The following CC2D2B variants were observed in gnomAD, a reference collection of about 807,000 sequenced individuals.
CC2D2B encodes protein CC2D2B.
In CC2D2B, 128 loss-of-function variants were observed where a neutral mutation model predicts 161.2. The ratio of observed to expected loss-of-function variants is 0.79; its 90% CI spans 0.69 to 0.92. The LOEUF is 0.92. Among genes scored for constraint, CC2D2B ranks in the 40% least tolerant of loss-of-function variants. The pLI, the probability that CC2D2B is intolerant of heterozygous loss-of-function variation, is 0.00. For missense variants in CC2D2B, 1,173 were observed against 1,375.1 expected (o/e 0.85, Z 2.32); for synonymous variants, 391 against 449.8 (o/e 0.87, Z 1.65).
At chr10:95,983,189 C>A (rs2077595218) in intron 18 of CC2D2B, among the ~76,000 whole-genome samples, 1 of 152,218 alleles carries the variant, frequency 6.6e-6, no homozygotes, top group Non-Finnish European at 1.5e-5. Context: ...CTCACATTTG[C>A]ATTTGTTGAA....
intron 17 of CC2D2B, among the ~76,000 whole-genome samples, chr10:95,976,787 T>C (rs1279903490): frequency 6.6e-6 from 1 of 152,220 alleles, no homozygotes; most frequent in Non-Finnish European, 1.5e-5. Context: ...TCGCTCTTGT[T>C]GCCCAGGCTG....
intron 4 of CC2D2B, 122 bp from the exon 5 acceptor site, chr10:95,924,657 C>T (rs1175056455): frequency 1.6e-5 from 11 of 674,982 alleles, no homozygotes; most frequent in Non-Finnish European, 2.3e-5. Context: ...ATTTCATGTA[C>T]ACATACCACA....
At chr10:96,025,192 AATATATATAT>A (rs10524712) in intron 33 of CC2D2B, among the ~76,000 whole-genome samples, 2 of 49,204 alleles carry the variant, frequency 4.1e-5, no homozygotes, top group African/African-American at 1.7e-4. Context: ...TATAAAAAAA[AATATATATAT>A]ATATATATAT....
intron 19 of CC2D2B, among the ~76,000 whole-genome samples, chr10:95,984,905 A>T (rs977700263): frequency 6.6e-6 from 1 of 151,968 alleles, no homozygotes; most frequent in Non-Finnish European, 1.5e-5. Context: ...CCACATACAC[A>T]TGTGTGTGTA....
chr10:95,926,873 T>TGTGTGC (rs397766895), intron 5 of CC2D2B, among the ~76,000 whole-genome samples: 20 of 150,268 alleles, frequency 1.3e-4, no homozygotes, highest in African/African-American at 2.9e-4. Context: ...TGTGTGTGTG[T>TGTGTGC]GCGCGCGCCT....
At chr10:95,907,785 CG>C (rs1352749878), upstream of CC2D2B, 1 of 152,540 alleles carries the variant, frequency 6.6e-6, no homozygotes, top group Non-Finnish European at 1.5e-5. Flanking sequence ...CACACGCTCA[CG>C]GGCAGAGGCG....
intron 33 of CC2D2B, 69 bp from the exon 34 acceptor site, chr10:96,027,143 A>T (rs1276451929): frequency 8.3e-7 from 1 of 1,202,372 alleles, no homozygotes; most frequent in Admixed American, 3.5e-5. Context: ...AAAAAGTCAC[A>T]AAACTCTTAT....
At chr10:95,990,487 G>A (rs936812107) in intron 20 of CC2D2B, among the ~76,000 whole-genome samples, 6 of 152,152 alleles carry the variant, frequency 3.9e-5, no homozygotes, top group Admixed American at 3.9e-4. Flanking sequence ...CCTGCATCGT[G>A]CCAAGGGAAA....
chr10:95,978,758 G>A (rs557078895), intron 17 of CC2D2B, among the ~76,000 whole-genome samples: 41 of 152,176 alleles, frequency 2.7e-4, no homozygotes, highest in African/African-American at 4.6e-4. Context: ...GAATTTCTGC[G>A]TACTATTTTT....
chr10:96,009,775 A>AT (rs1162563019), intron 25 of CC2D2B, 50 bp from the exon 26 acceptor site: 1 of 749,348 alleles, frequency 1.3e-6, no homozygotes, highest in Non-Finnish European at 2.1e-6. Context: ...TTATAAAACT[A>AT]TTCATCACAT....
intron 19 of CC2D2B, 33 bp from the exon 20 acceptor site, chr10:95,988,217 T>A: frequency 1.1e-6 from 1 of 913,994 alleles, no homozygotes; most frequent in Non-Finnish European, 1.4e-6. Flanking sequence ...CTTTGTTACA[T>A]TCAAGAAGTG....
intron 17 of CC2D2B, 27 bp from the exon 18 acceptor site, chr10:95,981,948 G>T: frequency 8.6e-7 from 1 of 1,168,792 alleles, no homozygotes. Flanking sequence ...TTGTATGCAA[G>T]TTCACAAAAT....
chr10:95,982,787 T>G (rs2077576866), intron 18 of CC2D2B, among the ~76,000 whole-genome samples: 1 of 152,236 alleles, frequency 6.6e-6, no homozygotes, highest in Non-Finnish European at 1.5e-5. Context: ...TTGTTTGTTT[T>G]TTTTAGATGG....
chr10:95,988,432 C>G (rs2077815632), intron 20 of CC2D2B, 90 bp downstream of exon 20: 1 of 492,966 alleles, frequency 2.0e-6, no homozygotes, highest in East Asian at 3.6e-5. Context: ...TCCAGAGAGT[C>G]AGATGGACGA....
At chr10:95,912,783 C>T (rs2141103937) in intron 2 of CC2D2B, among the ~76,000 whole-genome samples, 1 of 151,976 alleles carries the variant, frequency 6.6e-6, no homozygotes, top group East Asian at 1.9e-4. Context: ...ATTAAAAGGC[C>T]TTTTTTATAT....
chr10:95,970,188 C>A (rs1197516432), intron 15 of CC2D2B, among the ~76,000 whole-genome samples: 1 of 152,026 alleles, frequency 6.6e-6, no homozygotes, highest in Non-Finnish European at 1.5e-5. Flanking sequence ...TGCCCACCAC[C>A]ATGCCCCGCT....
intron 17 of CC2D2B, among the ~76,000 whole-genome samples, chr10:95,979,617 C>T (rs1404220145): frequency 6.6e-6 from 1 of 152,180 alleles, no homozygotes; most frequent in Non-Finnish European, 1.5e-5. Context: ...CAGTGCTATC[C>T]CCACTCACCA....
chr10:95,973,298 A>C (rs1252408132), intron 16 of CC2D2B, among the ~76,000 whole-genome samples: 1 of 152,168 alleles, frequency 6.6e-6, no homozygotes, highest in Non-Finnish European at 1.5e-5. Flanking sequence ...AGTTTTAAGA[A>C]GTATTGTTAA....
At chr10:96,021,948 A>C (rs2079480637) in intron 32 of CC2D2B, among the ~76,000 whole-genome samples, 1 of 152,218 alleles carries the variant, frequency 6.6e-6, no homozygotes, top group Non-Finnish European at 1.5e-5. Flanking sequence ...GTATAGATTC[A>C]AGGCAATTCA....
Sources: allele counts gnomAD v4.1 joint callset (sites outside exome capture counted in the v4.1 genomes callset), GRCh38; gene constraint gnomAD v4.1.1; transcripts MANE v1.5; gene names NCBI Gene and HGNC (gene_info 2026-07-23, HGNC 2026-07-21).